Variants in APIP observed in about 807,000 individuals in gnomAD.
APIP encodes the protein APAF1 interacting protein.
APIP carries 32 observed loss-of-function variants against 32.0 expected under a neutral mutation model. That is an observed-to-expected ratio of 1.00 (90% CI 0.76 to 1.34). The LOEUF is 1.34. Ranked by LOEUF, APIP falls within the 40% of genes most tolerant of loss-of-function variation. APIP has a pLI of 0.00. For synonymous variants in APIP, 92 were observed against 94.8 expected (o/e 0.97, Z 0.17); for missense variants, 247 against 298.6 (o/e 0.83, Z 1.27).
At position 34,908,477 on chromosome 11, in the gene APIP, G is replaced by A. The variant is rs183162700; in HGVS notation, c.57+7751C>T. 2.7e-3 allele frequency among the ~76,000 whole-genome samples: 404 copies of A among 152,250 alleles called. 2 individuals carry two copies. Among genetic ancestry groups the A allele is most frequent in the Admixed American group, 4.6e-3 (70 of 15,284 alleles). On this transcript the variant is annotated intron_variant, in intron 1 of 6. Transcript: ENST00000395787. ...TGCACTTGTCTCTCTATGCATCTTGGTTTTCTTTACTTGAATGCCCCAGCT... is the reference window on the plus strand; with the variant it reads ...TGCACTTGTCTCTCTATGCATCTTGATTTTCTTTACTTGAATGCCCCAGCT...
chr11:34,893,579 A>C (rs1314392459), intron 2 of APIP, among the ~76,000 whole-genome samples: 3 of 152,222 alleles, frequency 2.0e-5, no homozygotes, highest in Non-Finnish European at 2.9e-5. Flanking sequence ...CTGTATTTAC[A>C]CATTAGCAAC....
In APIP at chr11:34,888,870, C is replaced by A. The variant is rs768320956; in HGVS notation, c.208-1G>T. The A allele has an allele frequency of 2.1e-6, 3 of 1,463,222 alleles. No homozygotes were observed. The highest frequency in any genetic ancestry group is 2.7e-6 in the Non-Finnish European group (3 of 1,111,472). 90.6% of individuals were successfully genotyped at this position (1,463,222 alleles called of 1,614,324 possible). ...TATCACAAACAAACATGTCTTCAGGCTATTTATAGAGGGGAAAAAAAGAAA... is the reference window on the plus strand; with the variant it reads ...TATCACAAACAAACATGTCTTCAGGATATTTATAGAGGGGAAAAAAAGAAA... On this transcript the variant is annotated splice_acceptor_variant, in intron 3 of 6. Transcript: ENST00000395787. LOFTEE classifies it high-confidence loss of function.
intron 5 of APIP, among the ~76,000 whole-genome samples, chr11:34,887,547 GATATTGTGGTA>G (rs1281562459): frequency 1.3e-5 from 2 of 152,174 alleles, no homozygotes; most frequent in Non-Finnish European, 1.5e-5. Context: ...GTAAGAATAT[GATATTGTGGTA>G]ATAACACTTT....
Position 34,883,394 on chromosome 11 carries a change from A to C in APIP, c.572T>G (p.Leu191Arg). 2.5e-6 allele frequency: 4 copies of C among 1,613,936 alleles called. No individual in the cohort carries two copies. Among genetic ancestry groups the C allele is most frequent in the Middle Eastern group, 3.3e-4 (2 of 6,010 alleles). ...CACATATACTCCATGACGTCTGACC[A>C]GTACTGCACAGGAGTCTGGGTATTC... ...MNEYPDSCAV[L>R]VRRHGVYVWG... The change falls in exon 6 of 7, where the codon CTG (leucine) becomes CGG (arginine). Residue 191 changes from leucine (L) to arginine (R), a missense_variant. Coordinates refer to ENST00000395787, the MANE Select transcript of APIP (RefSeq NM_015957.4).
chr11:34,907,561 G>T (rs1853478649), intron 1 of APIP, among the ~76,000 whole-genome samples: 1 of 152,120 alleles, frequency 6.6e-6, no homozygotes, highest in Non-Finnish European at 1.5e-5. Flanking sequence ...GATATACTTG[G>T]TGAAAATGAA....
intron 1 of APIP, among the ~76,000 whole-genome samples, chr11:34,915,514 T>C (rs1399387659): frequency 6.6e-6 from 1 of 152,182 alleles, no homozygotes; most frequent in African/African-American, 2.4e-5. Flanking sequence ...GGGTTTATCA[T>C]ATTGTGCTGA....
intron 2 of APIP, among the ~76,000 whole-genome samples, chr11:34,894,330 A>C (rs1320079802): frequency 6.6e-6 from 1 of 152,024 alleles, no homozygotes; most frequent in African/African-American, 2.4e-5. Context: ...ATAAAAAATA[A>C]TTATTAGGAT....
chr11:34,889,401 G>A (rs1321951505), intron 3 of APIP, among the ~76,000 whole-genome samples: 1 of 151,702 alleles, frequency 6.6e-6, no homozygotes, highest in African/African-American at 2.4e-5. Context: ...AAATTTAGAT[G>A]GTACTCAGAA....
intron 1 of APIP, among the ~76,000 whole-genome samples, chr11:34,911,841 G>A (rs1228156353): frequency 6.6e-6 from 1 of 151,892 alleles, no homozygotes; most frequent in African/African-American, 2.4e-5. Flanking sequence ...CTCTATACTT[G>A]CAAAATACTT....
At chr11:34,891,751 C>T (rs890844569) in intron 2 of APIP, among the ~76,000 whole-genome samples, 3 of 152,262 alleles carry the variant, frequency 2.0e-5, no homozygotes, top group African/African-American at 7.2e-5. Flanking sequence ...CTATTGTTTC[C>T]GAGTTCTGCA....
chr11:34,912,836 T>C (rs1485694532), intron 1 of APIP, among the ~76,000 whole-genome samples: 1 of 152,132 alleles, frequency 6.6e-6, no homozygotes, highest in East Asian at 1.9e-4. Context: ...CTTCCCTTTA[T>C]ATATATATTC....
rs529579429 is a variant in APIP, at chr11:34,884,037, C to T, written c.462-533G>A. On this transcript the variant is annotated intron_variant, in intron 5 of 6. Transcript: ENST00000395787. The stretch of plus-strand genomic sequence containing the variant: ...GTTCTGGAGATAACTCTTAAAGGTA[C>T]GACGCTTTCAGAACATTCTCAAATC... Among the ~76,000 whole-genome samples, 9 of 152,264 alleles carry T rather than the reference C, an allele frequency of 5.9e-5. No homozygotes were observed. The East Asian group carries it at 9.6e-4, about 16-fold the overall frequency.
intron 1 of APIP, among the ~76,000 whole-genome samples, chr11:34,904,986 A>G (rs2915212): frequency 0.59 from 90,089 of 151,628 alleles, 27,932 homozygotes; most frequent in East Asian, 0.74. Flanking sequence ...TCCTTTTGAG[A>G]TTCGCTGCCA....
intron 1 of APIP, 100 bp from the exon 2 acceptor site, chr11:34,895,210 A>G: frequency 1.0e-6 from 1 of 987,504 alleles, no homozygotes; most frequent in Non-Finnish European, 1.6e-6. Flanking sequence ...AAAGTTTAAG[A>G]AAACATACTA....
At chr11:34,894,161 CTAAA>C (rs1251682891) in intron 2 of APIP, among the ~76,000 whole-genome samples, 1 of 152,122 alleles carries the variant, frequency 6.6e-6, no homozygotes. Flanking sequence ...ATAAATGACA[CTAAA>C]TAAATACAAT....
At chr11:34,893,733 T>A (rs952697933) in intron 2 of APIP, among the ~76,000 whole-genome samples, 1 of 152,194 alleles carries the variant, frequency 6.6e-6, no homozygotes, top group African/African-American at 2.4e-5. Context: ...CAATGTTCAA[T>A]GAAAATTTCA....
chr11:34,893,457 C>T (rs1026834122), intron 2 of APIP, among the ~76,000 whole-genome samples: 1 of 152,136 alleles, frequency 6.6e-6, no homozygotes, highest in Non-Finnish European at 1.5e-5. Context: ...ATTACTGGGA[C>T]TCAACTTCTA....
intron 1 of APIP, among the ~76,000 whole-genome samples, chr11:34,914,449 A>G (rs934662347): frequency 5.9e-5 from 9 of 152,208 alleles, no homozygotes; most frequent in Non-Finnish European, 2.9e-5. Context: ...ATGAAATTTT[A>G]TGACTTCTTA....
chr11:34,897,485 G>C (rs1224016934), intron 1 of APIP, among the ~76,000 whole-genome samples: 2 of 148,354 alleles, frequency 1.3e-5, no homozygotes, highest in Non-Finnish European at 3.0e-5. Context: ...ACTATTATAG[G>C]AGTTATTAAG....
Sources: gnomAD v4.1 joint callset for allele counts (sites outside exome capture counted in the v4.1 genomes callset) on GRCh38, gnomAD v4.1.1 for gene constraint, MANE v1.5 for transcripts, NCBI Gene and HGNC (gene_info 2026-07-23, HGNC 2026-07-21) for gene names.